The following BAIAP2L1 variants were observed in gnomAD, a reference collection of about 807,000 sequenced individuals.
The protein encoded by BAIAP2L1 is BAR/IMD domain containing adaptor protein 2 like 1.
A neutral mutation model predicts 66.3 loss-of-function variants in BAIAP2L1; 35 were observed. The ratio of observed to expected loss-of-function variants is 0.53; its 90% CI spans 0.40 to 0.70. The LOEUF (loss-of-function observed/expected upper bound fraction) is 0.70, where lower values mean the gene tolerates loss of function less well. Among genes scored for constraint, BAIAP2L1 ranks in the 30% least tolerant of loss-of-function variants. The pLI, the probability that BAIAP2L1 is intolerant of heterozygous loss-of-function variation, is 0.00. For missense variants in BAIAP2L1, 622 were observed against 656.9 expected, an observed-to-expected ratio of 0.95 and a Z score of 0.58; for synonymous variants, 269 against 248.7, an observed-to-expected ratio of 1.08 and a Z score of -0.77.
At chr7:98,386,579 C>T (rs769132029) in intron 1 of BAIAP2L1, 41 of 1,596,532 alleles carry the variant, frequency 2.6e-5, no homozygotes, top group South Asian at 2.1e-4. Context: ...TCTTGCCAAC[C>T]GCCATGGTGC....
chr7:98,325,535 G>A (rs1223821724), intron 3 of BAIAP2L1, among the ~76,000 whole-genome samples: 4 of 152,048 alleles, frequency 2.6e-5, no homozygotes, highest in African/African-American at 4.8e-5. Context: ...AAAATTAGCC[G>A]GGCTTGGTGG....
At position 98,304,365 on chromosome 7, in the gene BAIAP2L1, A is replaced by C; in HGVS notation, c.1253T>G (p.Val418Gly). 6.2e-7 allele frequency: 1 copy of C among 1,613,402 alleles called. No homozygotes were observed. The highest frequency in any genetic ancestry group is 1.1e-5 in the South Asian group (1 of 90,914). ...VTVPTPSPTP[V>G]RSISTVNLSE... Reference sequence around the variant, plus strand: ...CAAGTTCACGGTGCTGATGCTTCTCACTGGTGTGGGGCTCAAACCCAAAAA... The same window carrying C: ...CAAGTTCACGGTGCTGATGCTTCTCCCTGGTGTGGGGCTCAAACCCAAAAA... The change falls in exon 12 of 14, where the codon GTG (valine) becomes GGG (glycine). Residue 418 changes from valine (V) to glycine (G), a missense_variant. Coordinates refer to ENST00000005260, the MANE Select transcript of BAIAP2L1 (RefSeq NM_018842.5).
chr7:98,333,081 T>C (rs1801537000), intron 3 of BAIAP2L1, among the ~76,000 whole-genome samples: 1 of 152,112 alleles, frequency 6.6e-6, no homozygotes. Context: ...ACCTGCCTGA[T>C]GAGTTCCCCG....
intron 3 of BAIAP2L1, among the ~76,000 whole-genome samples, chr7:98,324,909 A>G (rs74723350): frequency 0.011 from 1,620 of 152,338 alleles, 19 homozygotes; most frequent in Admixed American, 0.021. Context: ...GATTCTTTCC[A>G]TTTATATCTG....
At chr7:98,382,246 T>G (rs142194588) in intron 1 of BAIAP2L1, among the ~76,000 whole-genome samples, 1 of 151,912 alleles carries the variant, frequency 6.6e-6, no homozygotes, top group African/African-American at 2.4e-5. Flanking sequence ...AATTGTTAAT[T>G]TGAAAAAAGA....
intron 3 of BAIAP2L1, among the ~76,000 whole-genome samples, chr7:98,337,447 T>G (rs1359914333): frequency 6.6e-6 from 1 of 152,190 alleles, no homozygotes; most frequent in African/African-American, 2.4e-5. Context: ...TCCACAATGG[T>G]CTTGAACTCC....
intron 12 of BAIAP2L1, among the ~76,000 whole-genome samples, chr7:98,302,533 C>A (rs770434486): frequency 6.6e-6 from 1 of 152,196 alleles, no homozygotes; most frequent in Non-Finnish European, 1.5e-5. Context: ...CAGCAACAGA[C>A]TCTGAGCAGG....
At chr7:98,299,687 A>G (rs1800339802) in intron 12 of BAIAP2L1, among the ~76,000 whole-genome samples, 1 of 152,218 alleles carries the variant, frequency 6.6e-6, no homozygotes, top group Non-Finnish European at 1.5e-5. Flanking sequence ...ACACTGTACT[A>G]TTTTGTATGA....
Position 98,293,031 on chromosome 7 carries a change from A to G in BAIAP2L1, c.*490T>C. The G allele has an allele frequency of 1.0e-6, 1 of 952,932 alleles. No individual in the cohort carries two copies. Among genetic ancestry groups the G allele is most frequent in the Non-Finnish European group, 1.3e-6 (1 of 776,764 alleles). 59.0% of individuals were successfully genotyped at this position (952,932 alleles called of 1,614,324 possible). On this transcript the variant is annotated 3_prime_UTR_variant, in exon 14 of 14. Transcript: ENST00000005260. ...TTAAGTTAAATTACATTTATATAGT[A>G]TTTTCATAATTTATATTGCTTAAAA...
chr7:98,386,464 T>A, intron 1 of BAIAP2L1: 2 of 1,597,374 alleles, frequency 1.3e-6, no homozygotes, highest in Non-Finnish European at 1.7e-6. Context: ...ATATTTCTTA[T>A]ACTGAACATA....
intron 3 of BAIAP2L1, among the ~76,000 whole-genome samples, chr7:98,331,516 T>TGG (rs1801494529): frequency 7.1e-6 from 1 of 139,986 alleles, no homozygotes; most frequent in Non-Finnish European, 1.5e-5. Context: ...TCGTCCAGGC[T>TGG]GGAGTGCAAT....
intron 12 of BAIAP2L1, among the ~76,000 whole-genome samples, chr7:98,294,486 G>A (rs955707251): frequency 2.0e-5 from 3 of 152,320 alleles, no homozygotes; most frequent in Admixed American, 6.5e-5. Context: ...CACTGCCTGC[G>A]CGGGTCACCC....
chr7:98,380,828 G>A (rs113266037), intron 1 of BAIAP2L1, among the ~76,000 whole-genome samples: 629 of 41,610 alleles, frequency 0.015, 10 homozygotes, highest in African/African-American at 0.055. Flanking sequence ...CCCAACCCCC[G>A]CCCCACCCCT....
At chr7:98,299,270 C>T (rs1459856337) in intron 12 of BAIAP2L1, among the ~76,000 whole-genome samples, 2 of 152,220 alleles carry the variant, frequency 1.3e-5, no homozygotes, top group East Asian at 3.9e-4. Flanking sequence ...CCACCTGCCT[C>T]GGCCTCCCAA....
chr7:98,368,552 G>C (rs187176006), intron 1 of BAIAP2L1, among the ~76,000 whole-genome samples: 4 of 152,280 alleles, frequency 2.6e-5, no homozygotes, highest in African/African-American at 7.2e-5. Context: ...TTAGCTGGGT[G>C]TGGTGGTGCG....
chr7:98,332,821 A>AAAC (rs1407595614), intron 3 of BAIAP2L1, among the ~76,000 whole-genome samples: 8 of 151,130 alleles, frequency 5.3e-5, no homozygotes, highest in Non-Finnish European at 7.4e-5. Context: ...AAAAAAAAAA[A>AAAC]AAAAAAAAAA....
At position 98,362,931 on chromosome 7, in the gene BAIAP2L1, C is replaced by T. The variant is rs73391074; in HGVS notation, c.52-499G>A. On this transcript the variant is annotated intron_variant, in intron 1 of 13. Coordinates refer to ENST00000005260, the MANE Select transcript of BAIAP2L1 (RefSeq NM_018842.5). The stretch of plus-strand genomic sequence containing the variant: ...CTCTGCCTAATTATAGGGGTGTGGG[C>T]GGGGAGGGACGTGAAAGGGGGCATT... Among the ~76,000 whole-genome samples, 529 of 144,302 alleles carry T rather than the reference C, an allele frequency of 3.7e-3. 5 individuals are homozygous for T. The highest frequency in any genetic ancestry group is 0.013 in the African/African-American group (496 of 39,144). The allele number at this position is 144,302 out of a possible 152,430, so 94.7% of individuals were successfully genotyped here. A position where few individuals can be genotyped will look rare whatever the true frequency, so the allele number is the denominator to read the frequency against.
At chr7:98,304,102 C>T in intron 12 of BAIAP2L1, 94 bp downstream of exon 12, 2 of 1,319,966 alleles carry the variant, frequency 1.5e-6, no homozygotes, top group Non-Finnish European at 2.0e-6. Context: ...CCCCTGGGGA[C>T]AGAGCAGAGC....
chr7:98,366,742 C>T lies in BAIAP2L1; in HGVS notation c.52-4310G>A, dbSNP rs538122909. On this transcript the variant is annotated intron_variant, in intron 1 of 13. Transcript: ENST00000005260. Reference sequence around the variant, plus strand: ...CGCAGTCAGGTGCTTGGCACCTACGCGCAACCAGTGGCCAGGAAGCCCCAG... The same window carrying T: ...CGCAGTCAGGTGCTTGGCACCTACGTGCAACCAGTGGCCAGGAAGCCCCAG... Among the ~76,000 whole-genome samples the T allele has an allele frequency of 2.0e-4, 30 of 152,230 alleles. 1 individual carries two copies. Among genetic ancestry groups the T allele is most frequent in the Non-Finnish European group, 2.6e-4 (18 of 68,036 alleles).
Sources: allele counts gnomAD v4.1 joint callset (sites outside exome capture counted in the v4.1 genomes callset), GRCh38; gene constraint gnomAD v4.1.1; transcripts MANE v1.5; gene names NCBI Gene and HGNC (gene_info 2026-07-23, HGNC 2026-07-21).